NEGR1: variants seen among roughly 807,000 people sequenced by gnomAD.
NEGR1 encodes neuronal growth regulator 1, also known as IgLON family member 4.
NEGR1 carries 10 observed loss-of-function variants against 40.9 expected under a neutral mutation model. The observed-to-expected ratio is 0.24, with a 90% CI of 0.15 to 0.42. The LOEUF is 0.42. Ranked by LOEUF, NEGR1 falls within the 10% of genes least tolerant of loss-of-function variation. The probability of loss-of-function intolerance (pLI) is 1.00; values close to 1 mark genes in which losing one functional copy is unlikely to be tolerated. For missense variants in NEGR1, 352 were observed against 438.9 expected, an observed-to-expected ratio of 0.80 and a Z score of 1.77; for synonymous variants, 185 against 166.8, an observed-to-expected ratio of 1.11 and a Z score of -0.84.
chr1:71,947,996 G>C (rs2100266072), intron 1 of NEGR1, among the ~76,000 whole-genome samples: 1 of 152,226 alleles, frequency 6.6e-6, no homozygotes, highest in African/African-American at 2.4e-5. Context: ...GGAGACAACT[G>C]AATATATGTG....
At chr1:71,655,749 G>A (rs761017952) in intron 4 of NEGR1, among the ~76,000 whole-genome samples, 2 of 152,118 alleles carry the variant, frequency 1.3e-5, no homozygotes, top group Non-Finnish European at 2.9e-5. Flanking sequence ...CAGAATCACA[G>A]TCTAGAAGAT....
intron 1 of NEGR1, among the ~76,000 whole-genome samples, chr1:72,137,682 T>C (rs998652138): frequency 7.9e-5 from 12 of 152,046 alleles, no homozygotes; most frequent in African/African-American, 2.9e-4. Flanking sequence ...TGTAGACCTA[T>C]GTAACAAACC....
At chr1:71,452,406 G>T (rs1646635436) in intron 6 of NEGR1, among the ~76,000 whole-genome samples, 1 of 152,170 alleles carries the variant, frequency 6.6e-6, no homozygotes, top group African/African-American at 2.4e-5. Context: ...CAACTAAAGT[G>T]TTGAAATTTC....
intron 1 of NEGR1, among the ~76,000 whole-genome samples, chr1:72,278,267 G>C (rs947645307): frequency 2.0e-5 from 3 of 151,952 alleles, no homozygotes; most frequent in Non-Finnish European, 4.4e-5. Flanking sequence ...TCCTTTCTTC[G>C]ATTAAAGCAT....
intron 1 of NEGR1, among the ~76,000 whole-genome samples, chr1:72,124,724 T>C (rs1030891234): frequency 1.3e-5 from 2 of 152,052 alleles, no homozygotes; most frequent in Admixed American, 6.6e-5. Context: ...CTGTTCGGCA[T>C]TGGATACTTT....
intron 6 of NEGR1, among the ~76,000 whole-genome samples, chr1:71,410,039 G>T (rs935127910): frequency 1.3e-5 from 2 of 151,874 alleles, no homozygotes; most frequent in Admixed American, 6.6e-5. Flanking sequence ...CTTCCACTCA[G>T]CCTCCTATTG....
At chr1:71,510,859 T>C (rs1181696618) in intron 6 of NEGR1, among the ~76,000 whole-genome samples, 1 of 152,220 alleles carries the variant, frequency 6.6e-6, no homozygotes, top group Non-Finnish European at 1.5e-5. Context: ...TGAATGTGTG[T>C]TTCTCACAGT....
chr1:71,495,754 A>G (rs1448891243), intron 6 of NEGR1, among the ~76,000 whole-genome samples: 1 of 152,168 alleles, frequency 6.6e-6, no homozygotes, highest in Non-Finnish European at 1.5e-5. Context: ...AGACTATTAT[A>G]ATGCTGTGAA....
intron 6 of NEGR1, among the ~76,000 whole-genome samples, chr1:71,556,648 C>T (rs903422574): frequency 9.9e-5 from 15 of 150,804 alleles, no homozygotes; most frequent in Non-Finnish European, 1.6e-4. Flanking sequence ...CACACACACA[C>T]ACACATACAC....
rs1275328609 is a variant in NEGR1 at position 71,681,211 on chromosome 1, C to A, written c.667+16797G>T. ...TTTATTTATCCAATAACATAATCAA[C>A]TTTAAGGGGGTAAAAAAATACAAGT... On this transcript the variant is annotated intron_variant, in intron 4 of 6. Transcript: ENST00000357731. 2.0e-5 allele frequency among the ~76,000 whole-genome samples: 3 copies of A among 152,156 alleles called. No homozygotes were observed. In the East Asian group the frequency reaches 5.8e-4, roughly 29 times the overall value.
At chr1:72,096,729 T>C (rs142900947) in intron 1 of NEGR1, among the ~76,000 whole-genome samples, 1,705 of 152,204 alleles carry the variant, frequency 0.011, 36 homozygotes, top group African/African-American at 0.039. Context: ...TGGTGCGATT[T>C]TGGCTCACTG....
At chr1:72,094,621 T>TC (rs542451802) in intron 1 of NEGR1, among the ~76,000 whole-genome samples, 46 of 152,150 alleles carry the variant, frequency 3.0e-4, no homozygotes, top group Non-Finnish European at 6.2e-4. Context: ...AAGTCCCTTC[T>TC]CTTTACTCCC....
At chr1:71,436,118 G>A (rs1177810848) in intron 6 of NEGR1, among the ~76,000 whole-genome samples, 1 of 152,014 alleles carries the variant, frequency 6.6e-6, no homozygotes, top group East Asian at 1.9e-4. Context: ...GTCATCAAGT[G>A]AGAAACAATA....
intron 1 of NEGR1, among the ~76,000 whole-genome samples, chr1:72,114,619 G>T (rs1649514016): frequency 6.6e-6 from 1 of 151,694 alleles, no homozygotes; most frequent in Non-Finnish European, 1.5e-5. Context: ...TTAAAATTAG[G>T]ACTTGAAATA....
rs1349882867 is a variant in NEGR1, at chr1:71,687,458, G to C, written c.667+10550C>G. Among the ~76,000 whole-genome samples, 11 of 152,256 alleles carry C rather than the reference G, an allele frequency of 7.2e-5. No individual in the cohort carries two copies. In the East Asian group the frequency reaches 1.2e-3, roughly 16 times the overall value. On this transcript the variant is annotated intron_variant, in intron 4 of 6. Coordinates refer to ENST00000357731, the MANE Select transcript of NEGR1 (RefSeq NM_173808.3). ...TTTTTGCACTGCTGTTAGCTTTTCT[G>C]TGTAGCAGCAAGCAGGCTGACTGCA...
At chr1:72,180,526 G>C (rs1652327181) in intron 1 of NEGR1, among the ~76,000 whole-genome samples, 1 of 151,902 alleles carries the variant, frequency 6.6e-6, no homozygotes, top group African/African-American at 2.4e-5. Flanking sequence ...AAATGAAACA[G>C]AGGTATGGAT....
chr1:71,605,889 C>T (rs1186574593), intron 5 of NEGR1, among the ~76,000 whole-genome samples: 6 of 152,104 alleles, frequency 3.9e-5, no homozygotes, highest in South Asian at 2.1e-4. Flanking sequence ...TAGCCACTCT[C>T]ATGGTGGAAT....
At chr1:71,510,774 T>A (rs1224526077) in intron 6 of NEGR1, among the ~76,000 whole-genome samples, 1 of 152,220 alleles carries the variant, frequency 6.6e-6, no homozygotes, top group East Asian at 1.9e-4. Flanking sequence ...ACACCTGGTC[T>A]TGCAAGACTG....
chr1:71,481,616 TAAGA>T (rs1557541208), intron 6 of NEGR1, among the ~76,000 whole-genome samples: 1 of 151,934 alleles, frequency 6.6e-6, no homozygotes, highest in Non-Finnish European at 1.5e-5. Context: ...TTCCACCAAT[TAAGA>T]TTTTAGTAAG....
Sources: gnomAD v4.1 joint callset for allele counts (sites outside exome capture counted in the v4.1 genomes callset) on GRCh38, gnomAD v4.1.1 for gene constraint, MANE v1.5 for transcripts, NCBI Gene and HGNC (gene_info 2026-07-23, HGNC 2026-07-21) for gene names.